DRC9: variants seen among roughly 807,000 people sequenced by gnomAD.
DRC9 encodes dynein regulatory complex protein 9.
the DRC9 span, chr3:197,950,077 A>G: frequency 5.1e-6 from 6 of 1,185,888 alleles, no homozygotes; most frequent in African/African-American, 1.6e-5. Context: ...GGCTTATTTC[A>G]GTGCGAAGCC....
the DRC9 span, among the ~76,000 whole-genome samples, chr3:197,929,637 A>C: frequency 6.6e-6 from 1 of 152,176 alleles, no homozygotes; most frequent in Non-Finnish European, 1.5e-5. The surrounding 1 kb of genome is among the most constrained non-coding windows in gnomAD (Gnocchi z 4.6). Flanking sequence ...TTAGCTGGGC[A>C]TAGTGGCAAA....
At chr3:197,910,306 A>C in the DRC9 span, among the ~76,000 whole-genome samples, 583 of 152,296 alleles carry the variant, frequency 3.8e-3, 1 homozygote, top group Non-Finnish European at 5.6e-3. Flanking sequence ...TCCCTAAAAA[A>C]TAAAAAATAA....
chr3:197,945,302 G>A, the DRC9 span, among the ~76,000 whole-genome samples: 5 of 152,128 alleles, frequency 3.3e-5, no homozygotes, highest in Non-Finnish European at 7.4e-5. Flanking sequence ...GCCTCTTGCC[G>A]GCAGCCTGCA....
At chr3:197,953,936 AGG>A in the DRC9 span, 6 of 1,555,340 alleles carry the variant, frequency 3.9e-6, no homozygotes, top group Non-Finnish European at 5.3e-6. Flanking sequence ...ACTCGTGTAG[AGG>A]TCACCTTGAA....
the DRC9 span, among the ~76,000 whole-genome samples, chr3:197,946,755 A>C: frequency 2.0e-5 from 3 of 152,312 alleles, no homozygotes; most frequent in Admixed American, 2.0e-4. Context: ...CAGACTAGCC[A>C]AATGTCCTGA....
chr3:197,889,550 T>C, the DRC9 span: 1 of 1,613,816 alleles, frequency 6.2e-7, no homozygotes, highest in Non-Finnish European at 8.5e-7. Context: ...ACCTCCAGAA[T>C]ACCAGCAGAA....
chr3:197,930,503 G>A, the DRC9 span, among the ~76,000 whole-genome samples: 3 of 152,122 alleles, frequency 2.0e-5, no homozygotes, highest in Non-Finnish European at 4.4e-5. Context: ...CACTTTGGGA[G>A]GCCGAGGCGG....
the DRC9 span, among the ~76,000 whole-genome samples, chr3:197,890,529 T>A: frequency 6.6e-6 from 1 of 152,230 alleles, no homozygotes; most frequent in Admixed American, 6.5e-5. Context: ...AAGATTTAGT[T>A]AGCTTTCTTG....
At chr3:197,947,927 CCT>C in the DRC9 span, among the ~76,000 whole-genome samples, 83 of 143,906 alleles carry the variant, frequency 5.8e-4, 1 homozygote, top group Non-Finnish European at 2.1e-4. Flanking sequence ...TCCTGCTTTA[CCT>C]TTTTTTTTTT....
At chr3:197,924,213 G>C in the DRC9 span, among the ~76,000 whole-genome samples, 58 of 151,614 alleles carry the variant, frequency 3.8e-4, no homozygotes, top group African/African-American at 1.4e-3. Context: ...TTAAAAATTA[G>C]CTGGGCATGG....
chr3:197,956,131 A>T, the DRC9 span: 1 of 282,798 alleles, frequency 3.5e-6, no homozygotes, highest in Non-Finnish European at 6.9e-6. Context: ...TCATTTTTAA[A>T]TTTTTTGTAG....
the DRC9 span, chr3:197,950,300 G>A: frequency 5.0e-5 from 62 of 1,229,992 alleles, 1 homozygote; most frequent in African/African-American, 6.8e-4. Context: ...CGAGTCGCCG[G>A]TGCGTATCGG....
the DRC9 span, among the ~76,000 whole-genome samples, chr3:197,904,326 T>C: frequency 6.6e-6 from 1 of 152,028 alleles, no homozygotes; most frequent in Non-Finnish European, 1.5e-5. Context: ...AAAGGAATCC[T>C]GGTACGGTAT....
chr3:197,943,804 A>G, the DRC9 span: 1 of 1,614,180 alleles, frequency 6.2e-7, no homozygotes, highest in South Asian at 1.1e-5. Flanking sequence ...CTCCCTTCGT[A>G]CTGAACGGGC....
chr3:197,929,391 C>T, the DRC9 span, among the ~76,000 whole-genome samples: 1 of 152,340 alleles, frequency 6.6e-6, no homozygotes, highest in South Asian at 2.1e-4. This position sits in a 1 kb window ranked among gnomAD's most constrained non-coding sequence, Gnocchi z 4.6. Flanking sequence ...ATGCACAGAG[C>T]AGAGCATCCA....
At chr3:197,915,150 C>T in the DRC9 span, among the ~76,000 whole-genome samples, 31 of 106,888 alleles carry the variant, frequency 2.9e-4, no homozygotes, top group East Asian at 4.1e-3. Flanking sequence ...GGTGATAGAG[C>T]GAGATTCTGT....
the DRC9 span, among the ~76,000 whole-genome samples, chr3:197,915,163 C>CAAA: frequency 1.7e-4 from 12 of 71,334 alleles, no homozygotes; most frequent in Non-Finnish European, 2.7e-4. Context: ...GATTCTGTCT[C>CAAA]AAAAAAAAAA....
chr3:197,898,539 G>C, the DRC9 span, among the ~76,000 whole-genome samples: 2 of 152,194 alleles, frequency 1.3e-5, no homozygotes, highest in Admixed American at 6.5e-5. Flanking sequence ...GTATTAGTCT[G>C]TTCTCATACT....
chr3:197,955,720 CTAATGTTT>C, the DRC9 span: 30 of 1,565,508 alleles, frequency 1.9e-5, no homozygotes, highest in Admixed American at 5.0e-4. Context: ...TAACATTCAC[CTAATGTTT>C]TGTGTTCTTT....
Sources: gnomAD v4.1 joint callset for allele counts (sites outside exome capture counted in the v4.1 genomes callset) on GRCh38, gnomAD v4.1.1 for gene constraint, Gnocchi (gnomAD v3.1) non-coding constraint, MANE v1.5 for transcripts, NCBI Gene and HGNC (gene_info 2026-07-23, HGNC 2026-07-21) for gene names.